HP: variants seen among roughly 807,000 people sequenced by gnomAD.
HP encodes haptoglobin, also known as haptoglobin alpha(1S)-beta.
HP carries 9 observed loss-of-function variants against 23.2 expected under a neutral mutation model. That is an observed-to-expected ratio of 0.39 (90% CI 0.23 to 0.68). The LOEUF (loss-of-function observed/expected upper bound fraction) is 0.68, where lower values mean the gene tolerates loss of function less well. HP is among the 30% of genes least tolerant of loss of function. The pLI, the probability that HP is intolerant of heterozygous loss-of-function variation, is 0.47. For synonymous variants in HP, 155 were observed against 183.3 expected (o/e 0.85, Z 1.25); for missense variants, 433 against 483.6 (o/e 0.90, Z 0.98).
chr16:72,059,062 C>A (rs111673129), intron 5 of HP, 52 bp from the exon 6 acceptor site: 3 of 1,500,876 alleles, frequency 2.0e-6, no homozygotes, highest in South Asian at 2.2e-5. Flanking sequence ...TCACTCTGCA[C>A]GGGGTCTAGA....
At chr16:72,055,955 C>T in intron 1 of HP, 1 of 875,652 alleles carries the variant, frequency 1.1e-6, no homozygotes, top group Non-Finnish European at 1.8e-6. Flanking sequence ...TCAGAAGCTG[C>T]TAAAGTGTGT....
rs2041537617 is a variant in HP at position 72,060,971 on chromosome 16, T to C, written c.*81T>C. 3 of 1,484,024 alleles carry C rather than the reference T, an allele frequency of 2.0e-6. No individual in the cohort carries two copies. The highest frequency in any genetic ancestry group is 1.8e-6 in the Non-Finnish European group (2 of 1,108,720). The allele number at this position is 1,484,024 out of a possible 1,614,324, so 91.9% of individuals were successfully genotyped here. The stretch of plus-strand genomic sequence containing the variant: ...CAAAGTGGACGGGAGTGGACAGGAG[T>C]GGATGCGATAAGATGTGGTTTGAAG... On this transcript the variant is annotated 3_prime_UTR_variant, in exon 7 of 7. Transcript: ENST00000355906.
In HP at chr16:72,059,123, C is replaced by T; in HGVS notation, c.377C>T (p.Thr126Ile). The change falls in exon 6 of 7, where the codon ACC becomes ATC. Residue 126 changes from threonine (T) to isoleucine (I), a missense_variant. This residue lies in a region of HP where 326 missense variants were observed against 358.1 expected (regional missense o/e 0.91). Coordinates refer to ENST00000355906, the MANE Select transcript of HP (RefSeq NM_005143.5). ...TTGCCTTTTGTTTCAGGAGTGTACA[C>T]CTTAAACAATGAGAAGCAGTGGATA... ...KLRTEGDGVY[T>I]LNNEKQWINK... 7 of 1,565,322 alleles carry T rather than the reference C, an allele frequency of 4.5e-6. 2 individuals are homozygous for T. The African/African-American group carries it at 7.8e-5, about 17-fold the overall frequency.
At chr16:72,054,832 G>C in intron 1 of HP, 175 bp downstream of exon 1, 4 of 740,178 alleles carry the variant, frequency 5.4e-6, no homozygotes, top group South Asian at 5.3e-5. Flanking sequence ...ATAGAAGACA[G>C]TGCTGCTGTC....
rs192653057 is a variant in HP, at chr16:72,060,377, T to G, written c.708T>G (p.Val236=). The change falls in exon 7 of 7, where the codon GTT becomes GTG. Residue 236 remains valine, a synonymous_variant. Transcript: ENST00000355906. ...AGCAGCTTGTAGAGATTGAGAAGGTTGTTCTACACCCTAACTACTCCCAGG... is the reference window on the plus strand; with the variant it reads ...AGCAGCTTGTAGAGATTGAGAAGGTGGTTCTACACCCTAACTACTCCCAGG... ...GKKQLVEIEK[V]VLHPNYSQVD... 4.4e-4 allele frequency: 707 copies of G among 1,614,024 alleles called. 3 individuals carry two copies. Among genetic ancestry groups the G allele is most frequent in the African/African-American group, 2.2e-3 (165 of 75,020 alleles).
At chr16:72,059,957 C>T in intron 6 of HP, 155 bp from the exon 7 acceptor site, 1 of 1,428,764 alleles carries the variant, frequency 7.0e-7, no homozygotes, top group African/African-American at 1.4e-5. Flanking sequence ...TTTAAAACTG[C>T]AACTATTGGA....
rs1255427885 is a variant in HP at position 72,060,428 on chromosome 16, A to G, written c.759A>G (p.Lys253=). 1.9e-6 allele frequency: 3 copies of G among 1,614,172 alleles called. No individual in the cohort carries two copies. The Admixed American group carries it at 5.0e-5, about 27-fold the overall frequency. The change falls in exon 7 of 7, where the codon AAA becomes AAG. Residue 253 remains lysine (K), a synonymous_variant. Transcript: ENST00000355906. ...SQVDIGLIKL[K]QKVSVNERVM... The stretch of plus-strand genomic sequence containing the variant: ...TAGATATTGGGCTCATCAAACTCAA[A>G]CAGAAGGTGTCTGTTAATGAGAGAG...
rs1421881272 is a variant in HP at position 72,056,514 on chromosome 16, TTC to T, written c.89-8_89-7del. The T allele has an allele frequency of 7.9e-6, 12 of 1,511,122 alleles. 1 individual carries two copies. The East Asian group carries it at 1.7e-4, about 22-fold the overall frequency. The allele number at this position is 1,511,122 out of a possible 1,614,324, so 93.6% of individuals were successfully genotyped here. On this transcript the variant is annotated splice_polypyrimidine_tract_variant and intron_variant, in intron 2 of 6. Coordinates refer to ENST00000355906, the MANE Select transcript of HP (RefSeq NM_005143.5). ...ATTTCCAAATAGCAAACTCTCTGGCTTCTCTCTCTTTGCAGATGACGGCTGCC... is the reference window on the plus strand; with the variant it reads ...ATTTCCAAATAGCAAACTCTCTGGCTTCTCTCTTTGCAGATGACGGCTGCC...
In HP at chr16:72,054,612, T is replaced by C; in HGVS notation, c.-41T>C. 2.5e-6 allele frequency: 4 copies of C among 1,606,774 alleles called. No homozygotes were observed. Among genetic ancestry groups the C allele is most frequent in the Non-Finnish European group, 3.4e-6 (4 of 1,176,172 alleles). ...GTGGCAGCATAAAAAGACCAGCAGA[T>C]GCCCCACAGCACTGCTCTTCCAGAG... On this transcript the variant is annotated 5_prime_UTR_variant, in exon 1 of 7. It removes an upstream start codon present in the reference 5' UTR. Transcript: ENST00000355906.
rs535475176 is a variant in HP, at chr16:72,061,035, A to G, written c.*145A>G. ...GCCCTGCATTGCTGAGTCAATCAAT[A>G]AAGAGCTTTCTTTTGACCCATTTCT... On this transcript the variant is annotated 3_prime_UTR_variant, in exon 7 of 7. Transcript: ENST00000355906. The G allele has an allele frequency of 2.3e-6, 2 of 885,714 alleles. No individual in the cohort carries two copies. The highest frequency in any genetic ancestry group is 2.0e-5 in the South Asian group (1 of 51,106). 54.9% of individuals were successfully genotyped at this position (885,714 alleles called of 1,614,324 possible).
chr16:72,060,060 T>C, intron 6 of HP, 52 bp from the exon 7 acceptor site: 1 of 1,598,492 alleles, frequency 6.3e-7, no homozygotes, highest in Non-Finnish European at 8.6e-7. Context: ...CTTTCTCAGA[T>C]GGAAAGGCTC....
chr16:72,059,467 C>G (rs1597411108), intron 6 of HP: 1 of 524,312 alleles, frequency 1.9e-6, no homozygotes. Context: ...TGCTAGAGAG[C>G]CCTGGGTCTA....
At chr16:72,057,884 T>G in intron 4 of HP, 1 of 343,570 alleles carries the variant, frequency 2.9e-6, no homozygotes, top group Non-Finnish European at 5.4e-6. Context: ...GAGGAGCTGT[T>G]GCTCTCTCCT....
chr16:72,059,402 G>A (rs192372175), intron 6 of HP: 36 of 702,258 alleles, frequency 5.1e-5, no homozygotes, highest in Admixed American at 4.3e-4. Flanking sequence ...GGCACTGGCT[G>A]AATCCATTGT....
rs1189485596 is a variant in HP at position 72,060,302 on chromosome 16, T to G, written c.633T>G (p.Asn211Lys). ...AKNLFLNHSE[N>K]ATAKDIAPTL... is the part of the protein sequence containing the mutation. Reference sequence around the variant, plus strand: ...ATCTCTTCCTGAACCATTCAGAAAATGCAACAGCGAAAGACATTGCCCCTA... The same window carrying G: ...ATCTCTTCCTGAACCATTCAGAAAAGGCAACAGCGAAAGACATTGCCCCTA... Residue 211 changes from asparagine (N) to lysine (K), a missense_variant, in exon 7 of 7, where the codon AAT becomes AAG. Physicochemically the swap from Asn to Lys is moderately conservative, Grantham distance 94. Coordinates refer to ENST00000355906, the MANE Select transcript of HP (RefSeq NM_005143.5). The G allele has an allele frequency of 9.3e-6, 15 of 1,614,026 alleles. No homozygotes were observed. The highest frequency in any genetic ancestry group is 1.3e-5 in the Non-Finnish European group (15 of 1,179,994).
In HP at chr16:72,056,539, G is replaced by A. The variant is rs1329086523; in HGVS notation, c.98G>A (p.Cys33Tyr). ...NDVTDIADDG[C>Y]PKPPEIAHGY... ...TTCTCTCTCTTTGCAGATGACGGCTGCCCGAAGCCCCCCGAGATTGCACAT... is the reference window on the plus strand; with the variant it reads ...TTCTCTCTCTTTGCAGATGACGGCTACCCGAAGCCCCCCGAGATTGCACAT... Residue 33 changes from cysteine (C) to tyrosine (Y), a missense_variant, in exon 3 of 7, where the codon TGC becomes TAC. Physicochemically the swap from Cys to Tyr is radical, Grantham distance 194. Around this residue, in one of 3 missense-constraint regions of HP, gnomAD observed 71 missense variants for 54.2 expected, o/e 1.31. Transcript: ENST00000355906. 2 of 1,509,664 alleles carry A rather than the reference G, an allele frequency of 1.3e-6. No individual in the cohort carries two copies. Among genetic ancestry groups the A allele is most frequent in the East Asian group, 2.5e-5 (1 of 39,978 alleles). 93.5% of individuals were successfully genotyped at this position (1,509,664 alleles called of 1,614,324 possible). A position where few individuals can be genotyped will look rare whatever the true frequency, so the allele number is the denominator to read the frequency against.
chr16:72,060,475 C>T lies in HP; in HGVS notation c.806C>T (p.Ser269Leu). The change falls in exon 7 of 7, where the codon TCA (serine) becomes TTA (leucine). Residue 269 changes from serine (S) to leucine (L), a missense_variant. Physicochemically the swap from Ser to Leu is moderately radical, Grantham distance 145 (BLOSUM62 -2). This residue lies in a region of HP where 326 missense variants were observed against 358.1 expected (regional missense o/e 0.91). Coordinates refer to ENST00000355906, the MANE Select transcript of HP (RefSeq NM_005143.5). Reference sequence around the variant, plus strand: ...AGAGTGATGCCCATCTGCCTACCTTCAAAGGATTATGCAGAAGTAGGGCGT... The same window carrying T: ...AGAGTGATGCCCATCTGCCTACCTTTAAAGGATTATGCAGAAGTAGGGCGT... ...NERVMPICLPSKDYAEVGRVG... is the reference protein window; with the variant it reads ...NERVMPICLPLKDYAEVGRVG... 6.2e-7 allele frequency: 1 copy of T among 1,614,170 alleles called. No homozygotes were observed. Among genetic ancestry groups the T allele is most frequent in the Non-Finnish European group, 8.5e-7 (1 of 1,180,038 alleles).
chr16:72,055,074 C>T (rs1349407218), intron 1 of HP: 2 of 259,738 alleles, frequency 7.7e-6, no homozygotes, highest in Non-Finnish European at 1.5e-5. Flanking sequence ...ACCTGGGATA[C>T]ATCTAATTAA....
Position 72,060,353 on chromosome 16 carries a change from G to A in HP, c.684G>A (p.Lys228=), listed in dbSNP as rs1160309856. ...APTLTLYVGK[K]QLVEIEKVVL... ...CTTTAACACTCTATGTGGGGAAAAA[G>A]CAGCTTGTAGAGATTGAGAAGGTTG... The change falls in exon 7 of 7, where the codon AAG becomes AAA. Residue 228 remains lysine, a synonymous_variant. Transcript: ENST00000355906. The A allele has an allele frequency of 5.0e-6, 8 of 1,614,030 alleles. No homozygotes were observed. Among genetic ancestry groups the A allele is most frequent in the Non-Finnish European group, 6.8e-6 (8 of 1,180,052 alleles).
Sources: allele counts gnomAD v4.1 joint callset, GRCh38; gene constraint gnomAD v4.1.1; regional missense constraint gnomAD v4.1.1; transcripts MANE v1.5; gene names NCBI Gene and HGNC (gene_info 2026-07-23, HGNC 2026-07-21).